Variants in RHOQ observed in about 807,000 individuals in gnomAD.
RHOQ encodes the protein rho-related GTP-binding protein RhoQ.
In RHOQ, 7 loss-of-function variants were observed where a neutral mutation model predicts 25.8. That is an observed-to-expected ratio of 0.27 (90% CI 0.15 to 0.51). RHOQ has a LOEUF of 0.51. Ranked by LOEUF, RHOQ falls within the 20% of genes least tolerant of loss-of-function variation. RHOQ has a pLI of 0.97. For missense variants in RHOQ, 165 were observed against 260.6 expected (o/e 0.63, Z 2.53); for synonymous variants, 97 against 98.6 (o/e 0.98, Z 0.10).
In RHOQ at chr2:46,554,143, A is replaced by G. The variant is rs547679686; in HGVS notation, c.201+10331A>G. Among the ~76,000 whole-genome samples, 8 of 150,528 alleles carry G rather than the reference A, an allele frequency of 5.3e-5. No individual in the cohort carries two copies. In the South Asian group the frequency reaches 1.7e-3, roughly 32 times the overall value. On this transcript the variant is annotated intron_variant, in intron 2 of 4. Coordinates refer to ENST00000238738, the MANE Select transcript of RHOQ (RefSeq NM_012249.4). ...TGTGTTTTTTTTTTTTAATTTATAA[A>G]TTTTTAAACCCCCAGCCCCACAAAA...
chr2:46,564,060 T>C (rs1668653089), intron 2 of RHOQ, among the ~76,000 whole-genome samples: 1 of 152,034 alleles, frequency 6.6e-6, no homozygotes, highest in Non-Finnish European at 1.5e-5. Context: ...ATCCTAGCAC[T>C]TTGGGAGGCC....
At chr2:46,563,517 G>A (rs1401393101) in intron 2 of RHOQ, among the ~76,000 whole-genome samples, 2 of 152,200 alleles carry the variant, frequency 1.3e-5, no homozygotes, top group Non-Finnish European at 2.9e-5. Flanking sequence ...AGAGCTGGTG[G>A]GAAGAAGATA....
chr2:46,577,692 G>T (rs1364187157), intron 4 of RHOQ, among the ~76,000 whole-genome samples: 2 of 150,260 alleles, frequency 1.3e-5, no homozygotes, highest in East Asian at 3.9e-4. Flanking sequence ...TAGGATTACA[G>T]GCATGAGCCA....
chr2:46,566,859 C>T lies in RHOQ; in HGVS notation c.202-9228C>T, dbSNP rs1280132515. 2.6e-5 allele frequency among the ~76,000 whole-genome samples: 4 copies of T among 152,168 alleles called. No homozygotes were observed. The highest frequency in any genetic ancestry group is 1.9e-4 in the East Asian group (1 of 5,200). ...CCTGCAGAGAGGTCTTTCTTGCCTG[C>T]GCAGACTGAAACTCATCTTCCTGGT... is the stretch of plus-strand genomic sequence containing the variant. On this transcript the variant is annotated intron_variant, in intron 2 of 4. Transcript: ENST00000238738. The surrounding 1 kb of genome is among the most constrained non-coding windows in gnomAD (Gnocchi z 4.2).
intron 1 of RHOQ, chr2:46,543,466 C>T: frequency 1.7e-6 from 1 of 599,562 alleles, no homozygotes; most frequent in South Asian, 2.0e-5. Flanking sequence ...TTCCCACATC[C>T]CCTTTCCTAC....
rs557825795 is a variant in RHOQ, at chr2:46,583,349, G to C, written c.*2266G>C. 6.6e-6 allele frequency among the ~76,000 whole-genome samples: 1 copy of C among 152,020 alleles called. No homozygotes were observed. The highest frequency in any genetic ancestry group is 6.6e-5 in the Admixed American group (1 of 15,264). ...GGGAGGTAGAACAGAGATCTCCAAC[G>C]TCTCTCCCATTTATCACAGTAATTT... On this transcript the variant is annotated 3_prime_UTR_variant, in exon 5 of 5. Transcript: ENST00000238738.
intron 2 of RHOQ, among the ~76,000 whole-genome samples, chr2:46,544,438 G>T (rs1007946077): frequency 7.9e-5 from 12 of 152,198 alleles, no homozygotes; most frequent in Non-Finnish European, 1.5e-5. Context: ...AGGAGGAGGG[G>T]TTCCCCCCGG....
chr2:46,578,446 G>A (rs890476220), intron 4 of RHOQ, among the ~76,000 whole-genome samples: 2 of 151,126 alleles, frequency 1.3e-5, no homozygotes, highest in African/African-American at 2.4e-5. Flanking sequence ...GTTAATAATG[G>A]TGGTGCTGGG....
rs557022398 is a variant in RHOQ, at chr2:46,569,721, A to G, written c.202-6366A>G. On this transcript the variant is annotated intron_variant, in intron 2 of 4. Transcript: ENST00000238738. This position sits in a 1 kb window ranked among gnomAD's most constrained non-coding sequence, Gnocchi z 4.1. ...AAAACATATGAAGATGACAGTAGCT[A>G]AAAGTAAGAAGCTAAACCTTTAATT... Among the ~76,000 whole-genome samples the G allele has an allele frequency of 6.6e-6, 1 of 152,360 alleles. No individual in the cohort carries two copies. Among genetic ancestry groups the G allele is most frequent in the Admixed American group, 6.5e-5 (1 of 15,300 alleles).
chr2:46,544,483 G>A (rs1667983871), intron 2 of RHOQ, among the ~76,000 whole-genome samples: 1 of 152,212 alleles, frequency 6.6e-6, no homozygotes, highest in Non-Finnish European at 1.5e-5. Context: ...CTTTGTCTGG[G>A]TTTTCTTTGG....
intron 4 of RHOQ, among the ~76,000 whole-genome samples, chr2:46,579,843 C>CAA (rs34843228): frequency 0.16 from 21,056 of 135,464 alleles, 2,131 homozygotes; most frequent in African/African-American, 0.31. Context: ...GAAACTGTCT[C>CAA]AAAAAAAAAA....
chr2:46,565,378 A>G (rs1054999341), intron 2 of RHOQ, among the ~76,000 whole-genome samples: 5 of 152,230 alleles, frequency 3.3e-5, no homozygotes, highest in Admixed American at 6.5e-5. Flanking sequence ...TGTATTCTCC[A>G]TACCTAGATA....
At chr2:46,567,793 A>G (rs962467) in intron 2 of RHOQ, among the ~76,000 whole-genome samples, 20,320 of 152,180 alleles carry the variant, frequency 0.13, 1,930 homozygotes, top group African/African-American at 0.27. Context: ...GCCGTGGCTC[A>G]TGCCTATAAT....
chr2:46,581,054 A>G lies in RHOQ; in HGVS notation c.589A>G (p.Arg197Gly), dbSNP rs2104044865. 1 of 1,571,498 alleles carries G rather than the reference A, an allele frequency of 6.4e-7. No homozygotes were observed. Among genetic ancestry groups the G allele is most frequent in the East Asian group, 2.3e-5 (1 of 44,238 alleles). The change falls in exon 5 of 5, where the codon AGA (arginine) becomes GGA (glycine). Residue 197 changes from arginine to glycine, a missense_variant. Transcript: ENST00000238738. ...KHTVKKRIGSRCINCCLIT is the reference protein window; with the variant it reads ...KHTVKKRIGSGCINCCLIT ...CACTGTAAAAAAAAGAATAGGATCA[A>G]GATGTATAAACTGTTGTTTAATTAC...
rs1461586243 is a variant in RHOQ, at chr2:46,545,659, G to C, written c.201+1847G>C. The stretch of plus-strand genomic sequence containing the variant: ...GGGGTGTTGCTAGGATTGGGACAGG[G>C]GTCTGAATCTGCTCCAGTTTGAAGT... On this transcript the variant is annotated intron_variant, in intron 2 of 4. Coordinates refer to ENST00000238738, the MANE Select transcript of RHOQ (RefSeq NM_012249.4). 2.0e-5 allele frequency among the ~76,000 whole-genome samples: 3 copies of C among 152,130 alleles called. No homozygotes were observed. In the East Asian group the frequency reaches 5.8e-4, roughly 29 times the overall value.
In RHOQ at chr2:46,582,080, T is replaced by C. The variant is rs1669405610; in HGVS notation, c.*997T>C. 6.4e-6 allele frequency: 1 copy of C among 155,248 alleles called. No individual in the cohort carries two copies. The highest frequency in any genetic ancestry group is 6.4e-5 in the Admixed American group (1 of 15,688). The allele number at this position is 155,248 out of a possible 1,614,324, so 9.6% of individuals were successfully genotyped here. A position where few individuals can be genotyped will look rare whatever the true frequency, so the allele number is the denominator to read the frequency against. Reference sequence around the variant, plus strand: ...ATGAAAATTGTAACAGAGCAGCTGCTTCCACCTTTCAGATATAGATGTTGG... The same window carrying C: ...ATGAAAATTGTAACAGAGCAGCTGCCTCCACCTTTCAGATATAGATGTTGG... On this transcript the variant is annotated 3_prime_UTR_variant, in exon 5 of 5. Coordinates refer to ENST00000238738, the MANE Select transcript of RHOQ (RefSeq NM_012249.4).
intron 2 of RHOQ, chr2:46,572,628 A>T (rs776234683): frequency 2.4e-5 from 8 of 337,912 alleles, no homozygotes; most frequent in Non-Finnish European, 4.1e-5. Context: ...TCTTTAATAC[A>T]CTTTTCTGTA....
At chr2:46,568,117 A>T in intron 2 of RHOQ, 1 of 152,246 alleles carries the variant, frequency 6.6e-6, no homozygotes, top group African/African-American at 2.4e-5. Flanking sequence ...AAAAAACTTT[A>T]TTTTTTTATA....
In RHOQ at chr2:46,554,428, A is replaced by G. The variant is rs191128050; in HGVS notation, c.201+10616A>G. Among the ~76,000 whole-genome samples, 594 of 152,284 alleles carry G rather than the reference A, an allele frequency of 3.9e-3. 17 individuals carry two copies. The highest frequency in any genetic ancestry group is 0.036 in the Admixed American group (549 of 15,288). On this transcript the variant is annotated intron_variant, in intron 2 of 4. Coordinates refer to ENST00000238738, the MANE Select transcript of RHOQ (RefSeq NM_012249.4). ...ATTTCTTGATGCGGCCTAAACACCA[A>G]GCTATTTCTCTCCCGCATATTAAGG...
Sources: gnomAD v4.1 joint callset for allele counts (sites outside exome capture counted in the v4.1 genomes callset) on GRCh38, gnomAD v4.1.1 for gene constraint, Gnocchi (gnomAD v3.1) non-coding constraint, MANE v1.5 for transcripts, NCBI Gene and HGNC (gene_info 2026-07-23, HGNC 2026-07-21) for gene names.